The following RERE variants were observed in gnomAD, a reference collection of about 807,000 sequenced individuals.
The protein encoded by RERE is arginine-glutamic acid dipeptide repeats protein.
Under a neutral mutation model 146.1 loss-of-function variants are expected in RERE, and 40 were observed. That is an observed-to-expected ratio of 0.27 (90% confidence interval 0.21 to 0.36). RERE has a LOEUF of 0.36. RERE is among the 10% of genes least tolerant of loss of function. The pLI is 1.00. For synonymous variants in RERE, 1,003 were observed against 866.0 expected, an observed-to-expected ratio of 1.16 and a Z score of -2.78; for missense variants, 1,933 against 2,138.7, an observed-to-expected ratio of 0.90 and a Z score of 1.90.
chr1:8,452,774 A>G (rs189972308), intron 11 of RERE, among the ~76,000 whole-genome samples: 2 of 152,320 alleles, frequency 1.3e-5, no homozygotes, highest in East Asian at 3.9e-4. Context: ...TTTTCCATGT[A>G]TATTTTTAAG....
At chr1:8,387,983 C>T (rs531306284) in intron 12 of RERE, among the ~76,000 whole-genome samples, 3 of 152,198 alleles carry the variant, frequency 2.0e-5, no homozygotes, top group African/African-American at 7.2e-5. Flanking sequence ...TATGCAACAG[C>T]AAAACACTGG....
At chr1:8,756,894 C>T (rs969276959) in intron 1 of RERE, among the ~76,000 whole-genome samples, 1 of 152,030 alleles carries the variant, frequency 6.6e-6, no homozygotes, top group East Asian at 1.9e-4. Flanking sequence ...GAGTTTGACA[C>T]CAGCCTGACC....
At chr1:8,715,493 A>G (rs1453768151) in intron 1 of RERE, among the ~76,000 whole-genome samples, 1 of 152,060 alleles carries the variant, frequency 6.6e-6, no homozygotes. Flanking sequence ...CCTGGGCAAC[A>G]AGAGCGAAAC....
chr1:8,774,739 T>C (rs925151853), intron 1 of RERE, among the ~76,000 whole-genome samples: 2 of 152,004 alleles, frequency 1.3e-5, no homozygotes, highest in Non-Finnish European at 2.9e-5. Context: ...AATAGTCTAT[T>C]ATACAGAATA....
At chr1:8,813,839 T>C (rs1463368184) in intron 1 of RERE, among the ~76,000 whole-genome samples, 3 of 152,186 alleles carry the variant, frequency 2.0e-5, no homozygotes, top group Non-Finnish European at 4.4e-5. Flanking sequence ...GGTCTCGAAC[T>C]CCTGACCTCA....
chr1:8,794,357 C>CAAA lies in RERE; in HGVS notation c.-145+22800_-145+22802dup, dbSNP rs34549021. 4.5e-3 allele frequency among the ~76,000 whole-genome samples: 179 copies of CAAA among 40,108 alleles called. 1 individual carries two copies. Among genetic ancestry groups the CAAA allele is most frequent in the Middle Eastern group, 0.015 (1 of 66 alleles). 26.3% of individuals were successfully genotyped at this position (40,108 alleles called of 152,430 possible). A position where few individuals can be genotyped will look rare whatever the true frequency, so the allele number is the denominator to read the frequency against. Reference sequence around the variant, plus strand: ...TGGGCAACAGAGCGAGACTCCGTCTCAAAAAAAAAAAAAAAAAAAAAAAAG... The same window carrying CAAA: ...TGGGCAACAGAGCGAGACTCCGTCTCAAAAAAAAAAAAAAAAAAAAAAAAAAAG... On this transcript the variant is annotated intron_variant, in intron 1 of 22. Transcript: ENST00000400908.
At chr1:8,654,343 C>T (rs947128514) in intron 2 of RERE, among the ~76,000 whole-genome samples, 3 of 152,068 alleles carry the variant, frequency 2.0e-5, no homozygotes, top group African/African-American at 7.2e-5. Flanking sequence ...GCCCCACTGA[C>T]ATCTTTTGAA....
chr1:8,440,733 A>AC (rs1051607933), intron 11 of RERE, among the ~76,000 whole-genome samples: 7 of 145,554 alleles, frequency 4.8e-5, no homozygotes, highest in African/African-American at 1.8e-4. Context: ...TAAAAATACA[A>AC]AAAAAAAAAA....
chr1:8,624,471 G>A (rs1646951329), intron 2 of RERE, 91 bp from the exon 3 acceptor site: 1 of 783,984 alleles, frequency 1.3e-6, no homozygotes, highest in Non-Finnish European at 2.1e-6. Context: ...ATAAATAAAT[G>A]ACAAAGCACA....
At chr1:8,633,873 G>C (rs1647064740) in intron 2 of RERE, among the ~76,000 whole-genome samples, 2 of 152,108 alleles carry the variant, frequency 1.3e-5, no homozygotes, top group African/African-American at 4.8e-5. Flanking sequence ...AAGCTACAGT[G>C]AACAGAGATG....
intron 1 of RERE, among the ~76,000 whole-genome samples, chr1:8,719,971 T>C (rs1246530400): frequency 6.6e-6 from 1 of 152,080 alleles, no homozygotes; most frequent in Non-Finnish European, 1.5e-5. Flanking sequence ...TCCTGAATAA[T>C]TTACTCACTC....
intron 1 of RERE, among the ~76,000 whole-genome samples, chr1:8,741,210 T>C (rs1051657290): frequency 1.3e-5 from 2 of 152,230 alleles, no homozygotes; most frequent in African/African-American, 4.8e-5. Flanking sequence ...AGAATTTCTT[T>C]ACACAGCACA....
intron 4 of RERE, among the ~76,000 whole-genome samples, chr1:8,566,437 T>C (rs577299073): frequency 2.6e-5 from 4 of 152,022 alleles, no homozygotes; most frequent in Non-Finnish European, 5.9e-5. Context: ...CTGGCCAAGA[T>C]GATGAAACCC....
chr1:8,486,755 T>TAAAAAA (rs33956517), intron 10 of RERE, among the ~76,000 whole-genome samples: 5 of 122,284 alleles, frequency 4.1e-5, no homozygotes, highest in Non-Finnish European at 8.3e-5. Flanking sequence ...GAGTCCATCT[T>TAAAAAA]AAAAAAAAAA....
At chr1:8,597,605 C>T (rs982256718) in intron 4 of RERE, among the ~76,000 whole-genome samples, 1 of 152,136 alleles carries the variant, frequency 6.6e-6, no homozygotes, top group East Asian at 1.9e-4. Flanking sequence ...CTAAGAACCC[C>T]CTGTCCTGTG....
chr1:8,356,292 CAAT>C lies in RERE; in HGVS notation c.4340-49_4340-47del. 2 of 1,468,520 alleles carry C rather than the reference CAAT, an allele frequency of 1.4e-6. No homozygotes were observed. The highest frequency in any genetic ancestry group is 1.8e-6 in the Non-Finnish European group (2 of 1,119,168). The allele number at this position is 1,468,520 out of a possible 1,614,324, so 91.0% of individuals were successfully genotyped here. A position where few individuals can be genotyped will look rare whatever the true frequency, so the allele number is the denominator to read the frequency against. On this transcript the variant is annotated intron_variant, in intron 20 of 22. Transcript: ENST00000400908. The surrounding 1 kb of genome is among the most constrained non-coding windows in gnomAD (Gnocchi z 5.2). ...CAGATGGAGGCGGTGTGCAGCTCTTCAATGTTTGTCCCCCTTGGCTGGAATGAC... is the reference window on the plus strand; with the variant it reads ...CAGATGGAGGCGGTGTGCAGCTCTTCGTTTGTCCCCCTTGGCTGGAATGAC...
chr1:8,694,121 T>C (rs1463724558), intron 1 of RERE, among the ~76,000 whole-genome samples: 1 of 150,576 alleles, frequency 6.6e-6, no homozygotes, highest in East Asian at 1.9e-4. Context: ...CAGGAAGTGC[T>C]AGCCAGAGCA....
At chr1:8,418,144 ATACCC>A (rs1197423141) in intron 12 of RERE, among the ~76,000 whole-genome samples, 1 of 152,210 alleles carries the variant, frequency 6.6e-6, no homozygotes, top group Non-Finnish European at 1.5e-5. Context: ...CTCTTTATAG[ATACCC>A]TACCCATTGC....
intron 4 of RERE, among the ~76,000 whole-genome samples, chr1:8,570,924 GAGC>G (rs1301147744): frequency 3.9e-5 from 6 of 152,180 alleles, no homozygotes; most frequent in Non-Finnish European, 8.8e-5. Context: ...TTCCAGTAGA[GAGC>G]AGAAGTTACA....
Sources: gnomAD v4.1 joint callset for allele counts (sites outside exome capture counted in the v4.1 genomes callset) on GRCh38, gnomAD v4.1.1 for gene constraint, Gnocchi (gnomAD v3.1) non-coding constraint, MANE v1.5 for transcripts, NCBI Gene and HGNC (gene_info 2026-07-23, HGNC 2026-07-21) for gene names.